The following SLC22A31 variants were observed in gnomAD, a reference collection of about 807,000 sequenced individuals.
SLC22A31 encodes solute carrier family 22 member 31, also known as putative solute carrier family 22 member 31.
A neutral mutation model predicts 27.4 loss-of-function variants in SLC22A31; 42 were observed. The observed-to-expected ratio is 1.53, with a 90% CI of 1.20 to 1.98. SLC22A31 has a LOEUF of 1.98. Ranked by LOEUF, SLC22A31 falls within the 30% of genes most tolerant of loss-of-function variation. SLC22A31 has a pLI of 0.00. For missense variants in SLC22A31, 593 were observed against 479.9 expected (o/e 1.24, Z -2.20); for synonymous variants, 290 against 230.8 (o/e 1.26, Z -2.33).
At position 89,195,968 on chromosome 16, in the gene SLC22A31, C is replaced by T. The variant is rs1314975670; in HGVS notation, c.*31G>A. The T allele has an allele frequency of 2.7e-6, 4 of 1,462,464 alleles. No individual in the cohort carries two copies. Among genetic ancestry groups the T allele is most frequent in the Admixed American group, 2.4e-5 (1 of 41,602 alleles). 90.6% of individuals were successfully genotyped at this position (1,462,464 alleles called of 1,614,324 possible). On this transcript the variant is annotated 3_prime_UTR_variant, in exon 9 of 9. Transcript: ENST00000682282. ...CATGCCCCAGGCCTTGACTTTGGTC[C>T]CATCCTGGCTCCCAGGGCCACCAGG... is the stretch of plus-strand genomic sequence containing the variant.
chr16:89,196,202 C>G lies in SLC22A31; in HGVS notation c.1138G>C (p.Val380Leu), dbSNP rs192041229. 2 of 1,534,924 alleles carry G rather than the reference C, an allele frequency of 1.3e-6. No individual in the cohort carries two copies. The highest frequency in any genetic ancestry group is 1.4e-5 in the African/African-American group (1 of 72,996). The change falls in exon 9 of 9, where the codon GTC becomes CTC. Residue 380 changes from valine (V) to leucine (L), a missense_variant. Physicochemically the swap from Val to Leu is conservative, Grantham distance 32. Coordinates refer to ENST00000682282, the MANE Select transcript of SLC22A31 (RefSeq NM_001384763.1). ...GCAAGGACAGCAAGGGAGGCGAAGA[C>G]GACTTGTTGCAGGAAGAAGCCCTGC... ...GRQGFFLQQV[V>L]FASLAVLALL...
At chr16:89,197,553 G>A in intron 7 of SLC22A31, 144 bp from the exon 8 acceptor site, 1 of 614,394 alleles carries the variant, frequency 1.6e-6, no homozygotes, top group Non-Finnish European at 2.9e-6. Context: ...GAAACCTGGA[G>A]GGGGAACCTG....
chr16:89,198,578 G>C lies in SLC22A31; in HGVS notation c.599-28C>G, dbSNP rs539063930. On this transcript the variant is annotated intron_variant, in intron 5 of 8. Coordinates refer to ENST00000682282, the MANE Select transcript of SLC22A31 (RefSeq NM_001384763.1). ...GTAGCCGCAGAGATGTGAGGGGAGG[G>C]GGGTGAGGAGCTGTGCCTCTCCGAA... 10 of 1,514,220 alleles carry C rather than the reference G, an allele frequency of 6.6e-6. No individual in the cohort carries two copies. The African/African-American group carries it at 6.9e-5, about 10-fold the overall frequency. 93.8% of individuals were successfully genotyped at this position (1,514,220 alleles called of 1,614,324 possible). A position where few individuals can be genotyped will look rare whatever the true frequency, so the allele number is the denominator to read the frequency against.
At chr16:89,201,173 A>C (rs1916579888), upstream of SLC22A31, 2 of 376,566 alleles carry the variant, frequency 5.3e-6, no homozygotes, top group East Asian at 7.7e-5. Context: ...CCCGGGTCAG[A>C]GGCGCCAGGT....
chr16:89,197,017 G>C (rs1171857778), intron 8 of SLC22A31, among the ~76,000 whole-genome samples: 2 of 151,760 alleles, frequency 1.3e-5, no homozygotes, highest in African/African-American at 4.8e-5. Flanking sequence ...ATTTCTGGAG[G>C]CCTCCTCATC....
rs1483762750 is a variant in SLC22A31 at position 89,198,082 on chromosome 16, C to T, written c.922+40G>A. The stretch of plus-strand genomic sequence containing the variant: ...TGGTGTGGCAGACCGTCGGCCCAAA[C>T]ACAATGGCTCCTGTATGGCCTGCGG... On this transcript the variant is annotated intron_variant, in intron 7 of 8. Coordinates refer to ENST00000682282, the MANE Select transcript of SLC22A31 (RefSeq NM_001384763.1). 4 of 1,528,128 alleles carry T rather than the reference C, an allele frequency of 2.6e-6. No homozygotes were observed. In the South Asian group the frequency reaches 4.8e-5, roughly 18 times the overall value. The allele number at this position is 1,528,128 out of a possible 1,614,324, so 94.7% of individuals were successfully genotyped here.
In SLC22A31 at chr16:89,199,107, G is replaced by C; in HGVS notation, c.368C>G (p.Pro123Arg). The change falls in exon 4 of 9, where the codon CCC becomes CGC. Residue 123 changes from proline (P) to arginine (R), a missense_variant. Transcript: ENST00000682282. Reference sequence around the variant, plus strand: ...GTCCTGCACAAGCGCAGCCAGGCCGGGCAGCAGCAGGGTGCCCACCACCGA... The same window carrying C: ...GTCCTGCACAAGCGCAGCCAGGCCGCGCAGCAGCAGGGTGCCCACCACCGA... ...LFSVVGTLLL[P>R]GLAALVQDWR... is the part of the protein sequence containing the mutation. 2 of 1,534,898 alleles carry C rather than the reference G, an allele frequency of 1.3e-6. No homozygotes were observed. Among genetic ancestry groups the C allele is most frequent in the East Asian group, 2.5e-5 (1 of 40,816 alleles).
Position 89,199,408 on chromosome 16 carries a change from C to T in SLC22A31, c.283+5G>A, listed in dbSNP as rs1257802462. On this transcript the variant is annotated splice_donor_5th_base_variant and intron_variant, in intron 3 of 8. Coordinates refer to ENST00000682282, the MANE Select transcript of SLC22A31 (RefSeq NM_001384763.1). ...CCCAGTGACAGCAGCCCCCAGGGTACTCACGAGCCAGATACAGGGCGAGGA... is the reference window on the plus strand; with the variant it reads ...CCCAGTGACAGCAGCCCCCAGGGTATTCACGAGCCAGATACAGGGCGAGGA... 3.5e-6 allele frequency: 2 copies of T among 577,166 alleles called. No homozygotes were observed. The highest frequency in any genetic ancestry group is 2.8e-5 in the East Asian group (1 of 35,892). 35.8% of individuals were successfully genotyped at this position (577,166 alleles called of 1,614,324 possible). A position where few individuals can be genotyped will look rare whatever the true frequency, so the allele number is the denominator to read the frequency against.
upstream of SLC22A31, among the ~76,000 whole-genome samples, chr16:89,200,827 C>G (rs1916527759): frequency 6.6e-6 from 1 of 152,250 alleles, no homozygotes; most frequent in Non-Finnish European, 1.5e-5. Flanking sequence ...AGCCCAGCCT[C>G]TGCGCACCTC....
intron 4 of SLC22A31, 23 bp downstream of exon 4, chr16:89,199,000 G>A (rs974207333): frequency 2.0e-6 from 3 of 1,531,674 alleles, no homozygotes; most frequent in African/African-American, 2.7e-5. Flanking sequence ...GAGGGCTGCT[G>A]GCCCAGCTCC....
chr16:89,198,949 G>C lies in SLC22A31; in HGVS notation c.452+74C>G, dbSNP rs1382302787. On this transcript the variant is annotated intron_variant, in intron 4 of 8. Coordinates refer to ENST00000682282, the MANE Select transcript of SLC22A31 (RefSeq NM_001384763.1). ...TAACCCATGCGTTTACCTGGCATGG[G>C]ATACGTCGGTGCAGAGGGAAGCTAC... The C allele has an allele frequency of 3.3e-6, 5 of 1,506,394 alleles. No individual in the cohort carries two copies. In the Admixed American group the frequency reaches 1.0e-4, roughly 31 times the overall value. 93.3% of individuals were successfully genotyped at this position (1,506,394 alleles called of 1,614,324 possible). A position where few individuals can be genotyped will look rare whatever the true frequency, so the allele number is the denominator to read the frequency against.
chr16:89,198,974 C>G, intron 4 of SLC22A31, 49 bp downstream of exon 4: 1 of 1,521,284 alleles, frequency 6.6e-7, no homozygotes, highest in Non-Finnish European at 8.8e-7. Flanking sequence ...AGGGAAGCTA[C>G]ATAGTCAGCC....
chr16:89,200,581 T>C (rs1286746074), upstream of SLC22A31, among the ~76,000 whole-genome samples: 1 of 152,092 alleles, frequency 6.6e-6, no homozygotes, highest in Non-Finnish European at 1.5e-5. Context: ...CCCGGCGGGT[T>C]CCAGGGCCCC....
intron 8 of SLC22A31, 196 bp from the exon 9 acceptor site, chr16:89,196,501 G>T: frequency 9.8e-7 from 1 of 1,016,564 alleles, no homozygotes; most frequent in Non-Finnish European, 1.4e-6. Flanking sequence ...GCAGCTGGTG[G>T]GGCAACAGAT....
chr16:89,197,446 C>G (rs1396420892), intron 7 of SLC22A31, 37 bp from the exon 8 acceptor site: 9 of 1,458,752 alleles, frequency 6.2e-6, no homozygotes, highest in African/African-American at 2.8e-5. Context: ...GGCTCTCTCC[C>G]CAGGCCTTCC....
chr16:89,200,384 TC>T (rs965768547), intron 1 of SLC22A31, 93 bp downstream of exon 1: 1 of 152,546 alleles, frequency 6.6e-6, no homozygotes, highest in Non-Finnish European at 1.5e-5. Flanking sequence ...GCTCTGCGCC[TC>T]CCCCCACCCC....
Position 89,197,334 on chromosome 16 carries a change from C to T in SLC22A31, c.998G>A (p.Ser333Asn), listed in dbSNP as rs944523387. 58 of 1,535,758 alleles carry T rather than the reference C, an allele frequency of 3.8e-5. 1 individual carries two copies. The highest frequency in any genetic ancestry group is 5.0e-5 in the Non-Finnish European group (57 of 1,146,838). The change falls in exon 8 of 9, where the codon AGC becomes AAC. Residue 333 changes from serine (S) to asparagine (N), a missense_variant. By Grantham distance (46) the Ser-to-Asn change is conservative. Coordinates refer to ENST00000682282, the MANE Select transcript of SLC22A31 (RefSeq NM_001384763.1). ...GGGGAAGACCTCGGCCGCGAAGAGG[C>T]TGCTGAGTGCGGACACAGCCCGGGA... ...LASRAVSALS[S>N]LFAAEVFPTV...
intron 8 of SLC22A31, chr16:89,196,534 A>G (rs912130617): frequency 4.1e-6 from 3 of 728,250 alleles, no homozygotes; most frequent in Non-Finnish European, 4.4e-6. Flanking sequence ...ATGTGACTCC[A>G]GAGTGAGCAG....
chr16:89,201,632 C>G (rs1916625934), upstream of SLC22A31: 1 of 397,974 alleles, frequency 2.5e-6, no homozygotes, highest in Non-Finnish European at 4.4e-6. Context: ...CAAAGCCGCC[C>G]GCAGCTCTCA....
Sources: allele counts gnomAD v4.1 joint callset (sites outside exome capture counted in the v4.1 genomes callset), GRCh38; gene constraint gnomAD v4.1.1; transcripts MANE v1.5; gene names NCBI Gene and HGNC (gene_info 2026-07-23, HGNC 2026-07-21).